NEK5: variants seen among roughly 807,000 people sequenced by gnomAD.
NEK5 encodes the protein NIMA related kinase 5.
Under a neutral mutation model 109.2 loss-of-function variants are expected in NEK5, and 88 were observed. That is an observed-to-expected ratio of 0.81 (90% CI 0.68 to 0.96). The LOEUF is 0.96. Ranked by LOEUF, NEK5 falls within the 40% of genes least tolerant of loss-of-function variation. NEK5 has a pLI of 0.00. For synonymous variants in NEK5, 283 were observed against 299.9 expected, an observed-to-expected ratio of 0.94 and a Z score of 0.58; for missense variants, 834 against 920.7, an observed-to-expected ratio of 0.91 and a Z score of 1.22.
chr13:52,113,945 C>A (rs1277413187), intron 4 of NEK5, among the ~76,000 whole-genome samples: 2 of 152,228 alleles, frequency 1.3e-5, no homozygotes, highest in Admixed American at 6.5e-5. Context: ...AATCTGCCTG[C>A]ACCTTGATCT....
intron 3 of NEK5, among the ~76,000 whole-genome samples, chr13:52,126,179 G>A (rs1258064934): frequency 6.6e-6 from 1 of 152,076 alleles, no homozygotes; most frequent in Non-Finnish European, 1.5e-5. Flanking sequence ...ATTAATTCTA[G>A]CAAACAATGG....
At chr13:52,060,510 A>G (rs867030930) in intron 22 of NEK5, among the ~76,000 whole-genome samples, 2 of 152,172 alleles carry the variant, frequency 1.3e-5, no homozygotes, top group Admixed American at 6.5e-5. Flanking sequence ...GCCTGCCACC[A>G]TGCCCACCTA....
At chr13:52,104,577 C>A (rs1405470143) in intron 8 of NEK5, 25 bp from the exon 9 acceptor site, 1 of 1,510,092 alleles carries the variant, frequency 6.6e-7, no homozygotes, top group African/African-American at 1.4e-5. Context: ...AGTTTACATG[C>A]CAAGAAAATA....
intron 17 of NEK5, among the ~76,000 whole-genome samples, chr13:52,078,613 G>A (rs1954911953): frequency 1.3e-5 from 2 of 150,868 alleles, no homozygotes; most frequent in Non-Finnish European, 2.9e-5. Context: ...TAAAGAGATG[G>A]CGGACTCAAG....
At chr13:52,050,720 C>CTTTTTTTTTTTTTTT (rs772811272) in intron 22 of NEK5, among the ~76,000 whole-genome samples, 2 of 99,950 alleles carry the variant, frequency 2.0e-5, no homozygotes, top group African/African-American at 7.3e-5. Context: ...TTGTTTTTTT[C>CTTTTTTTTTTTTTTT]TTTTTTTTTT....
chr13:52,064,210 C>T (rs1470671579), intron 21 of NEK5, among the ~76,000 whole-genome samples: 46 of 136,860 alleles, frequency 3.4e-4, no homozygotes, highest in African/African-American at 5.4e-4. Context: ...CCAGCCGCCC[C>T]GTCCGGGAGG....
intron 17 of NEK5, among the ~76,000 whole-genome samples, chr13:52,077,807 G>A (rs1954895444): frequency 6.6e-6 from 1 of 152,176 alleles, no homozygotes; most frequent in African/African-American, 2.4e-5. Flanking sequence ...AGGCACAGTG[G>A]CTCACACCTG....
intron 13 of NEK5, 40 bp downstream of exon 13, chr13:52,093,014 T>G: frequency 7.4e-7 from 1 of 1,359,786 alleles, no homozygotes; most frequent in Non-Finnish European, 1.0e-6. Flanking sequence ...ATAAAGATAT[T>G]TTTAGATTAA....
intron 20 of NEK5, among the ~76,000 whole-genome samples, chr13:52,070,029 G>C (rs1236289118): frequency 1.3e-5 from 2 of 152,188 alleles, no homozygotes; most frequent in African/African-American, 4.8e-5. Context: ...AGCAGTCTTT[G>C]GCACAAAGGA....
intron 23 of NEK5, among the ~76,000 whole-genome samples, chr13:52,048,056 T>G (rs1415471450): frequency 1.3e-5 from 2 of 152,176 alleles, no homozygotes; most frequent in East Asian, 3.8e-4. Flanking sequence ...GAGGAATAAA[T>G]TCTAGTGCTC....
intron 9 of NEK5, among the ~76,000 whole-genome samples, chr13:52,103,109 A>C (rs187439192): frequency 8.1e-4 from 123 of 152,304 alleles, no homozygotes; most frequent in Non-Finnish European, 3.4e-4. Flanking sequence ...ATACATAATA[A>C]TATTCAACTC....
intron 13 of NEK5, among the ~76,000 whole-genome samples, chr13:52,091,507 A>G (rs1041723374): frequency 6.6e-6 from 1 of 152,248 alleles, no homozygotes; most frequent in Non-Finnish European, 1.5e-5. Flanking sequence ...ATGTTTCTGA[A>G]GAAATTATTC....
chr13:52,087,961 T>C (rs1374989578), intron 14 of NEK5, among the ~76,000 whole-genome samples: 1 of 145,358 alleles, frequency 6.9e-6, no homozygotes, highest in Non-Finnish European at 1.5e-5. Context: ...AGAGTCTCAC[T>C]CTGTCACCCA....
intron 3 of NEK5, among the ~76,000 whole-genome samples, chr13:52,121,042 T>C (rs1432106325): frequency 6.6e-6 from 1 of 152,194 alleles, no homozygotes. Context: ...CACTCATTTA[T>C]TTCTGGTAAA....
At chr13:52,114,699 CAAGT>C (rs2138084896) in intron 4 of NEK5, among the ~76,000 whole-genome samples, 1 of 152,256 alleles carries the variant, frequency 6.6e-6, no homozygotes, top group South Asian at 2.1e-4. Context: ...AAAGCGCATG[CAAGT>C]AAGACTGGAG....
At chr13:52,125,364 C>T (rs1956045354) in intron 3 of NEK5, among the ~76,000 whole-genome samples, 1 of 152,150 alleles carries the variant, frequency 6.6e-6, no homozygotes, top group African/African-American at 2.4e-5. Context: ...GAGATTGAGA[C>T]CATCCTAGCT....
At chr13:52,083,192 G>T in intron 17 of NEK5, 68 bp downstream of exon 17, 1 of 1,058,472 alleles carries the variant, frequency 9.4e-7, no homozygotes. Flanking sequence ...GCACAGAGAA[G>T]GGTAAGAGCC....
In NEK5 at chr13:52,083,345, G is replaced by GACACAAATTATACAC; in HGVS notation, c.1486_1487insGTGTATAATTTGTGT (p.Asn495_Ser496insCysValTer). On this transcript the variant is annotated stop_gained, in exon 17 of 24. Transcript: ENST00000684899. LOFTEE classifies it high-confidence loss of function. ...CAAATAGGTTTTATGACTTATTTTT[G>GACACAAATTATACAC]AGTTCTCCTTTAACACAAATTATAC... The GACACAAATTATACAC allele has an allele frequency of 6.2e-7, 1 of 1,604,058 alleles. No individual in the cohort carries two copies. Among genetic ancestry groups the GACACAAATTATACAC allele is most frequent in the Non-Finnish European group, 8.5e-7 (1 of 1,171,094 alleles).
Position 52,112,331 on chromosome 13 carries a change from A to G in NEK5, c.249T>C (p.Cys83=). Residue 83 remains cysteine, a synonymous_variant, in exon 5 of 24, where the codon TGT becomes TGC. Transcript: ENST00000684899. The part of the protein sequence containing the change: ...NGRLFIVMEY[C]DGGDLMKRIN... ...TCCTTTTCATGAGATCCCCTCCATC[A>G]CAATATTCCATTACAATAAACAGCC... is the stretch of plus-strand genomic sequence containing the variant. 1 of 1,610,290 alleles carries G rather than the reference A, an allele frequency of 6.2e-7. No individual in the cohort carries two copies. The highest frequency in any genetic ancestry group is 8.5e-7 in the Non-Finnish European group (1 of 1,176,668).
Sources: allele counts gnomAD v4.1 joint callset (sites outside exome capture counted in the v4.1 genomes callset), GRCh38; gene constraint gnomAD v4.1.1; transcripts MANE v1.5; gene names NCBI Gene and HGNC (gene_info 2026-07-23, HGNC 2026-07-21).